Variants in PDGFD observed in about 807,000 individuals in gnomAD.
PDGFD encodes platelet derived growth factor D.
Under a neutral mutation model 44.7 loss-of-function variants are expected in PDGFD, and 30 were observed. The ratio of observed to expected loss-of-function variants is 0.67; its 90% CI spans 0.50 to 0.91. PDGFD has a LOEUF of 0.91. Ranked by LOEUF, PDGFD falls within the 40% of genes least tolerant of loss-of-function variation. The pLI is 0.00. For missense variants in PDGFD, 445 were observed against 457.8 expected (o/e 0.97, Z 0.25); for synonymous variants, 173 against 168.4 (o/e 1.03, Z -0.21).
At chr11:104,123,106 T>C (rs755091140) in intron 1 of PDGFD, among the ~76,000 whole-genome samples, 9 of 152,012 alleles carry the variant, frequency 5.9e-5, no homozygotes, top group Non-Finnish European at 1.0e-4. Context: ...AGTGAAAATA[T>C]AGTATCCTAT....
At chr11:103,934,302 G>A (rs1460897665) in intron 5 of PDGFD, among the ~76,000 whole-genome samples, 1 of 152,210 alleles carries the variant, frequency 6.6e-6, no homozygotes, top group African/African-American at 2.4e-5. Flanking sequence ...ACTGAAGTGA[G>A]TAACACAGAT....
Position 104,163,986 on chromosome 11 carries a change from G to T in PDGFD, c.-59C>A. On this transcript the variant is annotated 5_prime_UTR_variant, in exon 1 of 7. Transcript: ENST00000393158. ...AGAAAAAGCCGGGTTCTGCTCCCGGGACCGACGCCGCGCCGCCCTGCGCTC... is the reference window on the plus strand; with the variant it reads ...AGAAAAAGCCGGGTTCTGCTCCCGGTACCGACGCCGCGCCGCCCTGCGCTC... 1 of 1,472,336 alleles carries T rather than the reference G, an allele frequency of 6.8e-7. No individual in the cohort carries two copies. The highest frequency in any genetic ancestry group is 1.5e-5 in the South Asian group (1 of 67,338). 91.2% of individuals were successfully genotyped at this position (1,472,336 alleles called of 1,614,324 possible).
chr11:103,953,458 C>A (rs948305838), intron 3 of PDGFD, among the ~76,000 whole-genome samples: 1 of 152,136 alleles, frequency 6.6e-6, no homozygotes, highest in Non-Finnish European at 1.5e-5. Flanking sequence ...TTGGTTAGCA[C>A]TGACATATTC....
intron 1 of PDGFD, among the ~76,000 whole-genome samples, chr11:104,142,005 C>T (rs1862092483): frequency 6.6e-6 from 1 of 152,072 alleles, no homozygotes; most frequent in Non-Finnish European, 1.5e-5. Context: ...CCAAAGGATG[C>T]CTTATTGTCT....
At chr11:104,100,405 C>T (rs564341252) in intron 1 of PDGFD, among the ~76,000 whole-genome samples, 2 of 152,262 alleles carry the variant, frequency 1.3e-5, no homozygotes, top group East Asian at 1.9e-4. Flanking sequence ...CCTCCCAAGA[C>T]TAAACCAGGA....
intron 3 of PDGFD, among the ~76,000 whole-genome samples, chr11:103,992,514 G>T (rs1311035146): frequency 1.3e-5 from 2 of 152,116 alleles, no homozygotes; most frequent in Non-Finnish European, 2.9e-5. Flanking sequence ...AAAAGCAAAG[G>T]ATAAGAAAGC....
intron 1 of PDGFD, among the ~76,000 whole-genome samples, chr11:104,091,557 T>C (rs1473467845): frequency 6.6e-6 from 1 of 152,178 alleles, no homozygotes; most frequent in East Asian, 1.9e-4. Context: ...CACTGAGTAT[T>C]TGCAGGGAAA....
intron 1 of PDGFD, among the ~76,000 whole-genome samples, chr11:104,078,985 G>T (rs374232046): frequency 2.2e-4 from 33 of 152,254 alleles, no homozygotes; most frequent in African/African-American, 7.9e-4. Context: ...TTTTCCTTGT[G>T]ATGCATCTTA....
intron 6 of PDGFD, among the ~76,000 whole-genome samples, chr11:103,925,499 G>C (rs1256261982): frequency 6.6e-6 from 1 of 151,638 alleles, no homozygotes; most frequent in East Asian, 1.9e-4. Flanking sequence ...TCTGGAAGGG[G>C]TTATCTGATA....
At chr11:104,155,701 T>C (rs576383760) in intron 1 of PDGFD, among the ~76,000 whole-genome samples, 2 of 152,336 alleles carry the variant, frequency 1.3e-5, no homozygotes, top group East Asian at 3.9e-4. Flanking sequence ...AGTGGATTTG[T>C]TGCATATTGG....
At chr11:104,041,927 G>T (rs1860360468) in intron 1 of PDGFD, among the ~76,000 whole-genome samples, 2 of 152,152 alleles carry the variant, frequency 1.3e-5, no homozygotes, top group African/African-American at 4.8e-5. Flanking sequence ...CAGAATGCCA[G>T]TTATAAAAGG....
chr11:104,090,627 T>C (rs1813997876), intron 1 of PDGFD, among the ~76,000 whole-genome samples: 1 of 24,558 alleles, frequency 4.1e-5, no homozygotes, highest in Admixed American at 3.8e-4. Context: ...AGACCCTGTC[T>C]CAAAAAAAAA....
chr11:103,944,348 T>C (rs1339499169), intron 4 of PDGFD, among the ~76,000 whole-genome samples: 2 of 152,116 alleles, frequency 1.3e-5, no homozygotes, highest in Admixed American at 6.6e-5. Context: ...CACAACATCA[T>C]TGAAAGCCTG....
intron 1 of PDGFD, among the ~76,000 whole-genome samples, chr11:104,067,472 CT>C (rs1423817243): frequency 1.3e-5 from 2 of 152,080 alleles, no homozygotes; most frequent in East Asian, 3.9e-4. Flanking sequence ...GAAAATCTTT[CT>C]ATTAGAATTC....
chr11:104,147,964 G>A (rs1045636576), intron 1 of PDGFD, among the ~76,000 whole-genome samples: 1 of 152,138 alleles, frequency 6.6e-6, no homozygotes, highest in Non-Finnish European at 1.5e-5. Flanking sequence ...ACTCATAAAT[G>A]AAAAGAAGTA....
intron 6 of PDGFD, among the ~76,000 whole-genome samples, chr11:103,922,057 A>G: frequency 6.6e-6 from 1 of 151,894 alleles, no homozygotes; most frequent in Non-Finnish European, 1.5e-5. Context: ...GAAAATTATG[A>G]GAGGAAGAAC....
intron 1 of PDGFD, among the ~76,000 whole-genome samples, chr11:104,098,820 G>C (rs1861323722): frequency 6.6e-6 from 1 of 151,886 alleles, no homozygotes. Context: ...TTTCTTATTT[G>C]TATTCGCTAA....
At chr11:103,988,131 T>C (rs1859397828) in intron 3 of PDGFD, among the ~76,000 whole-genome samples, 1 of 152,140 alleles carries the variant, frequency 6.6e-6, no homozygotes, top group Non-Finnish European at 1.5e-5. Context: ...TGCAAGCCAT[T>C]TTCTAAAATA....
In PDGFD at chr11:104,139,842, C is replaced by G. The variant is rs1363297129; in HGVS notation, c.124+23962G>C. 4.6e-3 allele frequency among the ~76,000 whole-genome samples: 93 copies of G among 20,140 alleles called. 34 individuals are homozygous for G. The highest frequency in any genetic ancestry group is 0.04 in the African/African-American group (79 of 1,988). 13.2% of individuals were successfully genotyped at this position (20,140 alleles called of 152,430 possible). On this transcript the variant is annotated intron_variant, in intron 1 of 6. Transcript: ENST00000393158. ...CATGAGGTCAGGAGATCGAGACCAT[C>G]CTGGCTAACAAGGTGAAACCCCGTC...
Sources: allele counts gnomAD v4.1 joint callset (sites outside exome capture counted in the v4.1 genomes callset), GRCh38; gene constraint gnomAD v4.1.1; transcripts MANE v1.5; gene names NCBI Gene and HGNC (gene_info 2026-07-23, HGNC 2026-07-21).